NRXN3: variants seen among roughly 807,000 people sequenced by gnomAD.
NRXN3 encodes the protein neurexin III.
A neutral mutation model predicts 137.6 loss-of-function variants in NRXN3; 32 were observed. That is an observed-to-expected ratio of 0.23 (90% confidence interval 0.18 to 0.31). The LOEUF (loss-of-function observed/expected upper bound fraction) is 0.31, where lower values mean the gene tolerates loss of function less well. Ranked by LOEUF, NRXN3 falls within the 10% of genes least tolerant of loss-of-function variation. NRXN3 has a pLI of 1.00. For missense variants in NRXN3, 1,574 were observed against 2,062.5 expected (o/e 0.76, Z 4.59); for synonymous variants, 798 against 784.5 (o/e 1.02, Z -0.29).
chr14:79,831,187 G>A (rs2099322187), intron 20 of NRXN3, among the ~76,000 whole-genome samples: 1 of 152,294 alleles, frequency 6.6e-6, no homozygotes, highest in Non-Finnish European at 1.5e-5. Context: ...CACCAGCTGT[G>A]TCATTTTGTT....
At position 79,006,074 on chromosome 14, in the gene NRXN3, T is replaced by A. The variant is rs74067011; in HGVS notation, c.3262+17933T>A. Among the ~76,000 whole-genome samples, 1,005 of 131,926 alleles carry A rather than the reference T, an allele frequency of 7.6e-3. 10 individuals carry two copies. Among genetic ancestry groups the A allele is most frequent in the African/African-American group, 0.037 (917 of 24,740 alleles). The allele number at this position is 131,926 out of a possible 152,430, so 86.5% of individuals were successfully genotyped here. On this transcript the variant is annotated intron_variant, in intron 15 of 20. Coordinates refer to ENST00000335750, the MANE Select transcript of NRXN3 (RefSeq NM_001330195.2). The stretch of plus-strand genomic sequence containing the variant: ...GAGCCACTGGGAGTTTTTGAGCAAG[T>A]GTGTGATATGCCCAAAGATATGCCT...
At chr14:79,597,001 A>T (rs1044178493) in intron 16 of NRXN3, among the ~76,000 whole-genome samples, 3 of 152,162 alleles carry the variant, frequency 2.0e-5, no homozygotes, top group African/African-American at 7.2e-5. Flanking sequence ...TAAGGCATAT[A>T]CCAGCTTATC....
chr14:78,927,947 G>C (rs1597487812), intron 10 of NRXN3, among the ~76,000 whole-genome samples: 1 of 152,068 alleles, frequency 6.6e-6, no homozygotes, highest in Non-Finnish European at 1.5e-5. Flanking sequence ...CTCTGCCTGG[G>C]GGAGCTTATC....
chr14:79,421,642 A>G (rs920547785), intron 15 of NRXN3, among the ~76,000 whole-genome samples: 1 of 152,168 alleles, frequency 6.6e-6, no homozygotes, highest in Non-Finnish European at 1.5e-5. Flanking sequence ...GACGTTGTCT[A>G]GCTTTTAATA....
At chr14:79,199,544 A>G (rs1429286520) in intron 15 of NRXN3, among the ~76,000 whole-genome samples, 2 of 152,252 alleles carry the variant, frequency 1.3e-5, no homozygotes, top group African/African-American at 4.8e-5. Flanking sequence ...TTTGCAATCA[A>G]TTGAAAGTCG....
At chr14:79,790,755 G>A (rs2099142679) in intron 19 of NRXN3, among the ~76,000 whole-genome samples, 2 of 151,632 alleles carry the variant, frequency 1.3e-5, no homozygotes, top group Non-Finnish European at 2.9e-5. Flanking sequence ...CGAGTATCTG[G>A]GATTATAGAT....
Position 78,489,815 on chromosome 14 carries a change from C to A in NRXN3, c.758-155305C>A, listed in dbSNP as rs143931913. 2.9e-3 allele frequency among the ~76,000 whole-genome samples: 437 copies of A among 151,946 alleles called. 8 individuals carry two copies. The highest frequency in any genetic ancestry group is 0.01 in the African/African-American group (421 of 41,448). ...GCTACATGGAGAAATCAGAGGCAAT[C>A]AGGAGGTGCTGTCCAAGATGAGGCA... On this transcript the variant is annotated intron_variant, in intron 4 of 20. Transcript: ENST00000335750.
intron 15 of NRXN3, among the ~76,000 whole-genome samples, chr14:79,017,822 T>G (rs1042375587): frequency 6.6e-6 from 1 of 152,080 alleles, no homozygotes; most frequent in Non-Finnish European, 1.5e-5. Context: ...TGTCAGAATC[T>G]AGTGAAATGA....
intron 4 of NRXN3, among the ~76,000 whole-genome samples, chr14:78,614,158 ATG>A (rs530698668): frequency 2.3e-4 from 35 of 152,320 alleles, no homozygotes; most frequent in African/African-American, 8.4e-4. Context: ...TAGTAATTCC[ATG>A]TGTGGGAACA....
intron 20 of NRXN3, among the ~76,000 whole-genome samples, chr14:79,858,890 C>G (rs1177992512): frequency 6.6e-6 from 1 of 151,028 alleles, no homozygotes; most frequent in Admixed American, 6.6e-5. Context: ...AACTGCACTC[C>G]AAATCCCATT....
chr14:79,341,051 G>A (rs2092584254), intron 15 of NRXN3, among the ~76,000 whole-genome samples: 1 of 152,162 alleles, frequency 6.6e-6, no homozygotes, highest in South Asian at 2.1e-4. Flanking sequence ...TTTCTTCTGG[G>A]TCTCAATGTA....
At chr14:78,462,582 A>T (rs1462936032) in intron 4 of NRXN3, among the ~76,000 whole-genome samples, 1 of 152,214 alleles carries the variant, frequency 6.6e-6, no homozygotes, top group Non-Finnish European at 1.5e-5. Flanking sequence ...CCCTTATCAG[A>T]CATCTTAATT....
chr14:78,479,437 G>A (rs1461580451), intron 4 of NRXN3, among the ~76,000 whole-genome samples: 2 of 152,200 alleles, frequency 1.3e-5, no homozygotes, highest in Non-Finnish European at 2.9e-5. Flanking sequence ...CACATCCTTG[G>A]GTGATGCTGA....
At chr14:79,764,171 G>GGT (rs1175762725) in intron 19 of NRXN3, among the ~76,000 whole-genome samples, 4 of 147,786 alleles carry the variant, frequency 2.7e-5, no homozygotes, top group African/African-American at 1.0e-4. Context: ...TGGGTGGGGG[G>GGT]GGTGTTAAGA....
rs2095572927 is a variant in NRXN3, at chr14:78,487,095, A to G, written c.758-158025A>G. On this transcript the variant is annotated intron_variant, in intron 4 of 20. Transcript: ENST00000335750. ...TGCTATGGTCTGGCTGACCTTCTGAATGTACCCAGTATTGGCTGGCTTTAG... is the reference window on the plus strand; with the variant it reads ...TGCTATGGTCTGGCTGACCTTCTGAGTGTACCCAGTATTGGCTGGCTTTAG... Among the ~76,000 whole-genome samples the G allele has an allele frequency of 2.0e-5, 3 of 152,176 alleles. No homozygotes were observed. The South Asian group carries it at 6.2e-4, about 32-fold the overall frequency.
chr14:78,175,614 T>C (rs1333949060), intron 1 of NRXN3, among the ~76,000 whole-genome samples: 1 of 152,132 alleles, frequency 6.6e-6, no homozygotes, highest in Non-Finnish European at 1.5e-5. Flanking sequence ...GAGGGCCAGC[T>C]CTGTTGCTCT....
At chr14:79,524,181 C>A (rs2097096966) in intron 16 of NRXN3, among the ~76,000 whole-genome samples, 1 of 152,132 alleles carries the variant, frequency 6.6e-6, no homozygotes, top group Non-Finnish European at 1.5e-5. Flanking sequence ...TTCCAGTGGA[C>A]CTTGGCAGTG....
intron 4 of NRXN3, among the ~76,000 whole-genome samples, chr14:78,504,900 C>T (rs185667197): frequency 2.0e-5 from 3 of 152,224 alleles, no homozygotes; most frequent in Admixed American, 1.3e-4. Flanking sequence ...CCATTCCATC[C>T]GGGCCCGACA....
At chr14:79,187,176 T>C (rs1288153170) in intron 15 of NRXN3, among the ~76,000 whole-genome samples, 1 of 152,212 alleles carries the variant, frequency 6.6e-6, no homozygotes, top group Non-Finnish European at 1.5e-5. Flanking sequence ...TAAATTCTTT[T>C]TGAAAAATTT....
Sources: allele counts gnomAD v4.1 joint callset (sites outside exome capture counted in the v4.1 genomes callset), GRCh38; gene constraint gnomAD v4.1.1; transcripts MANE v1.5; gene names NCBI Gene and HGNC (gene_info 2026-07-23, HGNC 2026-07-21).